CLASP1: variants seen among roughly 807,000 people sequenced by gnomAD.
CLASP1 encodes CLIP-associating protein 1.
Under a neutral mutation model 192.3 loss-of-function variants are expected in CLASP1, and 38 were observed. The observed-to-expected ratio is 0.20, with a 90% CI of 0.15 to 0.26. The LOEUF is 0.26. Among genes scored for constraint, CLASP1 ranks in the 10% least tolerant of loss-of-function variants. The pLI is 1.00. For synonymous variants in CLASP1, 691 were observed against 712.8 expected (o/e 0.97, Z 0.49); for missense variants, 1,433 against 1,932.5 (o/e 0.74, Z 4.85).
chr2:121,473,438 T>C (rs2091105640), intron 8 of CLASP1, among the ~76,000 whole-genome samples: 1 of 151,386 alleles, frequency 6.6e-6, no homozygotes, highest in Admixed American at 6.6e-5. Context: ...AGAAACAAAA[T>C]AGGCTGAAAA....
chr2:121,467,586 C>T (rs546755005), intron 9 of CLASP1, among the ~76,000 whole-genome samples: 8 of 152,218 alleles, frequency 5.3e-5, no homozygotes, highest in African/African-American at 1.7e-4. Context: ...TGTTTGTTGG[C>T]TGCATGTTCA....
In CLASP1 at chr2:121,410,974, T is replaced by G; in HGVS notation, c.2321-5A>C. On this transcript the variant is annotated splice_polypyrimidine_tract_variant and splice_region_variant and intron_variant, in intron 23 of 39. Transcript: ENST00000263710. ...GCTGGCCAAGCCCAAACCGATCTAT[T>G]TAAAAAACAAAAGCAAAAGATGTGT... 5 of 1,581,420 alleles carry G rather than the reference T, an allele frequency of 3.2e-6. No individual in the cohort carries two copies. Among genetic ancestry groups the G allele is most frequent in the Non-Finnish European group, 3.4e-6 (4 of 1,163,542 alleles).
intron 16 of CLASP1, among the ~76,000 whole-genome samples, chr2:121,449,532 C>T (rs569104949): frequency 7.5e-6 from 1 of 133,926 alleles, no homozygotes; most frequent in South Asian, 2.3e-4. Context: ...GTAACATGTG[C>T]AAAAGAAAAA....
intron 2 of CLASP1, among the ~76,000 whole-genome samples, chr2:121,586,823 T>A (rs1335330966): frequency 1.3e-5 from 2 of 152,196 alleles, no homozygotes; most frequent in Non-Finnish European, 1.5e-5. Context: ...ATGCAGTATG[T>A]ACTGTGAAGC....
At chr2:121,409,023 C>T (rs2077309934) in intron 24 of CLASP1, 1 of 1,564,940 alleles carries the variant, frequency 6.4e-7, no homozygotes, top group Non-Finnish European at 8.7e-7. Flanking sequence ...AGGACTGGTA[C>T]CTTGCTCCTG....
intron 8 of CLASP1, among the ~76,000 whole-genome samples, chr2:121,496,756 A>T (rs2093552375): frequency 6.6e-6 from 1 of 152,210 alleles, no homozygotes; most frequent in South Asian, 2.1e-4. Context: ...AAACCTGCAA[A>T]CATGACGCAT....
chr2:121,482,372 T>C (rs769555680), intron 8 of CLASP1, among the ~76,000 whole-genome samples: 5 of 151,960 alleles, frequency 3.3e-5, no homozygotes, highest in African/African-American at 1.2e-4. Context: ...GGAGTTAGGG[T>C]TCCTGAAGTT....
At chr2:121,498,541 G>A (rs2093625023) in intron 8 of CLASP1, among the ~76,000 whole-genome samples, 1 of 151,878 alleles carries the variant, frequency 6.6e-6, no homozygotes, top group African/African-American at 2.4e-5. Flanking sequence ...TATGACAAAA[G>A]AAAAAATAAA....
In CLASP1 at chr2:121,527,983, G is replaced by A. The variant is rs985746002; in HGVS notation, c.379-93C>T. On this transcript the variant is annotated intron_variant, in intron 4 of 39. Transcript: ENST00000263710. The stretch of plus-strand genomic sequence containing the variant: ...ATAGAAGGCAAGCCTCTTAACGAGC[G>A]CCAAATTAGTCCCATCCTCTACCAA... 9.3e-5 allele frequency: 83 copies of A among 892,702 alleles called. 1 individual carries two copies. In the East Asian group the frequency reaches 1.6e-3, roughly 18 times the overall value. The allele number at this position is 892,702 out of a possible 1,614,324, so 55.3% of individuals were successfully genotyped here.
At chr2:121,599,429 A>G (rs2063529968) in intron 2 of CLASP1, among the ~76,000 whole-genome samples, 1 of 150,598 alleles carries the variant, frequency 6.6e-6, no homozygotes, top group Non-Finnish European at 1.5e-5. Flanking sequence ...CTCTACTAAA[A>G]ATACAAAAAT....
intron 2 of CLASP1, among the ~76,000 whole-genome samples, chr2:121,579,682 T>C (rs1321412665): frequency 6.6e-6 from 1 of 152,224 alleles, no homozygotes; most frequent in Non-Finnish European, 1.5e-5. Flanking sequence ...TAAATAAGCA[T>C]CTTCCTCTTG....
intron 1 of CLASP1, among the ~76,000 whole-genome samples, chr2:121,613,963 T>C (rs2066035935): frequency 6.6e-6 from 1 of 152,216 alleles, no homozygotes; most frequent in Non-Finnish European, 1.5e-5. Context: ...CTGAAGGCTC[T>C]ACAATGGTGT....
chr2:121,404,450 C>G lies in CLASP1; in HGVS notation c.2670-16G>C. The G allele has an allele frequency of 3.1e-6, 5 of 1,599,034 alleles. No individual in the cohort carries two copies. In the South Asian group the frequency reaches 4.5e-5, roughly 14 times the overall value. On this transcript the variant is annotated splice_polypyrimidine_tract_variant and intron_variant, in intron 25 of 39. Transcript: ENST00000263710. The stretch of plus-strand genomic sequence containing the variant: ...TTCAACTCGACTAGAAGAAATAAAA[C>G]AGAAATCAATGAATTTACTACTTTT...
chr2:121,486,422 A>G (rs1035353151), intron 8 of CLASP1, among the ~76,000 whole-genome samples: 1 of 152,206 alleles, frequency 6.6e-6, no homozygotes, highest in African/African-American at 2.4e-5. Flanking sequence ...TCTGAGTGTC[A>G]TATTACATAA....
intron 14 of CLASP1, among the ~76,000 whole-genome samples, chr2:121,455,100 C>T (rs1454175270): frequency 6.6e-6 from 1 of 152,182 alleles, no homozygotes; most frequent in Non-Finnish European, 1.5e-5. Flanking sequence ...CACTCTAACC[C>T]CAGGAGAAGC....
chr2:121,475,513 C>T (rs186897200), intron 8 of CLASP1, among the ~76,000 whole-genome samples: 30 of 152,288 alleles, frequency 2.0e-4, no homozygotes, highest in Non-Finnish European at 3.8e-4. Flanking sequence ...GATGAAGAGT[C>T]TCACATCCAG....
At chr2:121,389,485 A>G (rs1268879508) in intron 30 of CLASP1, among the ~76,000 whole-genome samples, 3 of 86,956 alleles carry the variant, frequency 3.5e-5, no homozygotes, top group Admixed American at 1.0e-4. Flanking sequence ...TAGGTGTTAG[A>G]AAAAAAAAAA....
chr2:121,362,095 T>C (rs2066522761), intron 37 of CLASP1, among the ~76,000 whole-genome samples: 1 of 152,248 alleles, frequency 6.6e-6, no homozygotes, highest in Non-Finnish European at 1.5e-5. Flanking sequence ...TTAACTATAA[T>C]TCCCTTCATC....
chr2:121,524,393 T>A (rs1406259381), intron 6 of CLASP1, among the ~76,000 whole-genome samples: 5 of 152,196 alleles, frequency 3.3e-5, no homozygotes, highest in Non-Finnish European at 7.3e-5. Context: ...AAATTAACGT[T>A]GAATATAAAG....
Sources: allele counts gnomAD v4.1 joint callset (sites outside exome capture counted in the v4.1 genomes callset), GRCh38; gene constraint gnomAD v4.1.1; transcripts MANE v1.5; gene names NCBI Gene and HGNC (gene_info 2026-07-23, HGNC 2026-07-21).